Variants in SP4 observed in about 807,000 individuals in gnomAD.
The protein encoded by SP4 is transcription factor Sp4.
In SP4, 19 loss-of-function variants were observed where a neutral mutation model predicts 72.8. The ratio of observed to expected loss-of-function variants is 0.26; its 90% confidence interval spans 0.18 to 0.38. SP4 has a LOEUF of 0.38. Ranked by LOEUF, SP4 falls within the 10% of genes least tolerant of loss-of-function variation. The pLI is 1.00. For missense variants in SP4, 1,008 were observed against 926.3 expected (o/e 1.09, Z -1.14); for synonymous variants, 395 against 333.1 (o/e 1.19, Z -2.02).
intron 5 of SP4, 129 bp downstream of exon 5, chr7:21,482,252 A>G (rs1784708837): frequency 4.4e-6 from 3 of 680,152 alleles, no homozygotes; most frequent in Admixed American, 2.9e-5. Context: ...TAGCAATTAT[A>G]TGGAAGATGT....
intron 3 of SP4, among the ~76,000 whole-genome samples, chr7:21,466,092 C>T (rs1455530408): frequency 6.6e-6 from 1 of 152,116 alleles, no homozygotes; most frequent in Non-Finnish European, 1.5e-5. Flanking sequence ...AAATCACTGT[C>T]CTCTCTGTTA....
At chr7:21,499,171 T>G (rs993516600) in intron 5 of SP4, among the ~76,000 whole-genome samples, 1 of 151,736 alleles carries the variant, frequency 6.6e-6, no homozygotes, top group African/African-American at 2.4e-5. Context: ...TTCATAAAGG[T>G]CTTCATCTTT....
At chr7:21,448,064 T>C (rs924198925) in intron 3 of SP4, among the ~76,000 whole-genome samples, 1 of 152,248 alleles carries the variant, frequency 6.6e-6, no homozygotes, top group African/African-American at 2.4e-5. Flanking sequence ...CGTGAAGAAT[T>C]TTTTGAATTA....
At chr7:21,438,444 A>G (rs1387923252) in intron 3 of SP4, among the ~76,000 whole-genome samples, 2 of 152,152 alleles carry the variant, frequency 1.3e-5, no homozygotes, top group Non-Finnish European at 2.9e-5. Context: ...TAAGCAATAA[A>G]TGTAGCACTG....
intron 5 of SP4, chr7:21,482,632 A>G: frequency 1.0e-6 from 1 of 984,148 alleles, no homozygotes; most frequent in Non-Finnish European, 1.2e-6. Flanking sequence ...TAAAGTGAAC[A>G]TCATGTTTAC....
At chr7:21,503,664 C>G (rs1039091312) in intron 5 of SP4, among the ~76,000 whole-genome samples, 7 of 152,180 alleles carry the variant, frequency 4.6e-5, no homozygotes, top group African/African-American at 1.7e-4. Flanking sequence ...AGGGGAAAGG[C>G]TTCTACCCAG....
At chr7:21,480,682 C>T (rs1410659275) in intron 4 of SP4, among the ~76,000 whole-genome samples, 1 of 152,178 alleles carries the variant, frequency 6.6e-6, no homozygotes, top group African/African-American at 2.4e-5. Context: ...CAATATTTGA[C>T]ATTTTTTCTG....
chr7:21,442,021 TG>T (rs1783265987), intron 3 of SP4, among the ~76,000 whole-genome samples: 1 of 128,166 alleles, frequency 7.8e-6, no homozygotes, highest in African/African-American at 3.0e-5. Flanking sequence ...TGTGTGTGTG[TG>T]TGTGTGTGTG....
At chr7:21,457,501 A>T (rs759726566) in intron 3 of SP4, among the ~76,000 whole-genome samples, 4 of 152,218 alleles carry the variant, frequency 2.6e-5, no homozygotes, top group African/African-American at 9.6e-5. Flanking sequence ...GTATTTAATT[A>T]TTTGGTTCCA....
chr7:21,488,789 G>T (rs1236755112), intron 5 of SP4, among the ~76,000 whole-genome samples: 4 of 151,328 alleles, frequency 2.6e-5, no homozygotes, highest in Non-Finnish European at 5.9e-5. Context: ...CTGATAACTT[G>T]GAAATACTAT....
chr7:21,490,372 C>A (rs143145467), intron 5 of SP4, among the ~76,000 whole-genome samples: 1 of 152,186 alleles, frequency 6.6e-6, no homozygotes. Flanking sequence ...GCAGATTACA[C>A]TGAAATAGTA....
intron 3 of SP4, among the ~76,000 whole-genome samples, chr7:21,475,179 A>G (rs370482845): frequency 9.5e-4 from 144 of 151,722 alleles, no homozygotes; most frequent in Middle Eastern, 3.4e-3. Flanking sequence ...CAGTGGCACA[A>G]TTTCGGCTCA....
chr7:21,459,707 T>G (rs1265498465), intron 3 of SP4, among the ~76,000 whole-genome samples: 2 of 152,252 alleles, frequency 1.3e-5, no homozygotes, highest in African/African-American at 4.8e-5. Flanking sequence ...CATGGAAGAT[T>G]GCTTTTTACC....
chr7:21,456,857 G>T (rs1783781311), intron 3 of SP4, among the ~76,000 whole-genome samples: 2 of 152,192 alleles, frequency 1.3e-5, no homozygotes, highest in Non-Finnish European at 2.9e-5. Flanking sequence ...AGACCCCAAG[G>T]TCTTTCCCAT....
At position 21,512,358 on chromosome 7, in the gene SP4, A is replaced by C. The variant is rs1391081776; in HGVS notation, c.*1089A>C. On this transcript the variant is annotated 3_prime_UTR_variant, in exon 6 of 6. Coordinates refer to ENST00000222584, the MANE Select transcript of SP4 (RefSeq NM_003112.5). Reference sequence around the variant, plus strand: ...CCCATTTTATTTCTAGTGCTATGTAAGAAGGTAATTAGGAATTATAACACA... The same window carrying C: ...CCCATTTTATTTCTAGTGCTATGTACGAAGGTAATTAGGAATTATAACACA... 1 of 152,550 alleles carries C rather than the reference A, an allele frequency of 6.6e-6. No individual in the cohort carries two copies. The highest frequency in any genetic ancestry group is 2.4e-5 in the African/African-American group (1 of 41,428). The allele number at this position is 152,550 out of a possible 1,614,324, so 9.4% of individuals were successfully genotyped here. A position where few individuals can be genotyped will look rare whatever the true frequency, so the allele number is the denominator to read the frequency against.
intron 5 of SP4, among the ~76,000 whole-genome samples, chr7:21,510,061 G>A (rs1318407896): frequency 2.0e-5 from 3 of 152,140 alleles, no homozygotes; most frequent in Non-Finnish European, 2.9e-5. Context: ...CTCAAGAACA[G>A]TATGGGGAAC....
intron 3 of SP4, among the ~76,000 whole-genome samples, chr7:21,463,008 A>C (rs576440465): frequency 6.6e-6 from 1 of 152,314 alleles, no homozygotes; most frequent in African/African-American, 2.4e-5. Flanking sequence ...CATTAACTAC[A>C]TTTAAAGTGC....
At position 21,502,040 on chromosome 7, in the gene SP4, A is replaced by ACCC. The variant is rs55723306; in HGVS notation, c.2108-8971_2108-8969dup. On this transcript the variant is annotated intron_variant, in intron 5 of 5. Transcript: ENST00000222584. ...GTTTCGGGCCTTAAATTCATTAGGC[A>ACCC]CCCCCCCCCCCCCGGAACTCCTATA... 4.2e-3 allele frequency among the ~76,000 whole-genome samples: 300 copies of ACCC among 72,264 alleles called. 7 individuals carry two copies. The East Asian group carries it at 0.075, about 18-fold the overall frequency. The allele number at this position is 72,264 out of a possible 152,430, so 47.4% of individuals were successfully genotyped here.
chr7:21,480,684 T>A (rs983475521), intron 4 of SP4, among the ~76,000 whole-genome samples: 7 of 152,226 alleles, frequency 4.6e-5, no homozygotes, highest in Non-Finnish European at 8.8e-5. Flanking sequence ...ATATTTGACA[T>A]TTTTTCTGAC....
Sources: allele counts gnomAD v4.1 joint callset (sites outside exome capture counted in the v4.1 genomes callset), GRCh38; gene constraint gnomAD v4.1.1; transcripts MANE v1.5; gene names NCBI Gene and HGNC (gene_info 2026-07-23, HGNC 2026-07-21).